NBEA: variants seen among roughly 807,000 people sequenced by gnomAD.
The protein encoded by NBEA is lysosomal-trafficking regulator 2.
NBEA carries 44 observed loss-of-function variants against 343.4 expected under a neutral mutation model. The observed-to-expected ratio is 0.13, with a 90% CI of 0.10 to 0.16. The LOEUF (loss-of-function observed/expected upper bound fraction) is 0.16, where lower values mean the gene tolerates loss of function less well. Ranked by LOEUF, NBEA falls within the 10% of genes least tolerant of loss-of-function variation. The probability of loss-of-function intolerance (pLI) is 1.00; values close to 1 mark genes in which losing one functional copy is unlikely to be tolerated. For missense variants in NBEA, 2,555 were observed against 3,631.3 expected (o/e 0.70, Z 7.62); for synonymous variants, 1,175 against 1,238.7 (o/e 0.95, Z 1.08).
intron 24 of NBEA, among the ~76,000 whole-genome samples, chr13:35,168,256 G>A (rs2070191988): frequency 6.6e-6 from 1 of 151,474 alleles, no homozygotes; most frequent in South Asian, 2.1e-4. Context: ...TCAAAAATTA[G>A]AAAGAATAGT....
At position 35,383,236 on chromosome 13, in the gene NBEA, G is replaced by C. The variant is rs115550784; in HGVS notation, c.6179+30913G>C. 2.0e-3 allele frequency among the ~76,000 whole-genome samples: 298 copies of C among 152,292 alleles called. 1 individual carries two copies. Among genetic ancestry groups the C allele is most frequent in the African/African-American group, 6.9e-3 (285 of 41,562 alleles). ...GGTGACCTCAAACTGAGGGAGGTTA[G>C]ATGACTTGGTAGAATTTTTAAGAGC... On this transcript the variant is annotated intron_variant, in intron 38 of 58. Transcript: ENST00000379939.
chr13:35,182,132 T>C (rs2071359012), intron 28 of NBEA, among the ~76,000 whole-genome samples: 1 of 151,544 alleles, frequency 6.6e-6, no homozygotes, highest in South Asian at 2.1e-4. Flanking sequence ...ATTTTAATAT[T>C]CTAGTTTTTG....
intron 38 of NBEA, among the ~76,000 whole-genome samples, chr13:35,424,192 T>A (rs186599280): frequency 6.6e-6 from 1 of 152,172 alleles, no homozygotes; most frequent in Non-Finnish European, 1.5e-5. Flanking sequence ...CATTGTTGAA[T>A]AGGAGTGGTG....
intron 41 of NBEA, among the ~76,000 whole-genome samples, chr13:35,498,056 C>A (rs2076747616): frequency 6.6e-6 from 1 of 151,898 alleles, no homozygotes; most frequent in Admixed American, 6.6e-5. Flanking sequence ...CACAAAAATT[C>A]TATTCTTTAA....
chr13:35,457,699 C>G (rs1179200817), intron 40 of NBEA, among the ~76,000 whole-genome samples: 1 of 152,180 alleles, frequency 6.6e-6, no homozygotes, highest in Non-Finnish European at 1.5e-5. Flanking sequence ...AGCTCTGCCT[C>G]CCGGGTTCAC....
intron 17 of NBEA, among the ~76,000 whole-genome samples, chr13:35,138,612 A>T (rs1204816128): frequency 6.6e-6 from 1 of 152,004 alleles, no homozygotes; most frequent in East Asian, 1.9e-4. Flanking sequence ...GGCGCCTGTC[A>T]CCATGCCCGG....
chr13:35,555,157 G>A, intron 44 of NBEA, 55 bp downstream of exon 44: 1 of 994,222 alleles, frequency 1.0e-6, no homozygotes, highest in Non-Finnish European at 1.5e-6. Context: ...CAAAATCATG[G>A]TAATGTAGCC....
At position 35,182,488 on chromosome 13, in the gene NBEA, T is replaced by C. The variant is rs779006092; in HGVS notation, c.4791T>C (p.Gly1597=). The change falls in exon 29 of 59, where the codon GGT becomes GGC. Residue 1597 remains glycine (G), a synonymous_variant. Coordinates refer to ENST00000379939, the MANE Select transcript of NBEA (RefSeq NM_001385012.1). The part of the protein sequence containing the change: ...RETTRTGSQP[G]RNIRQEINSP... ...CTACAAGAACTGGAAGCCAACCAGGTAGAAACATCAGGCAAGAAATAAATT... is the reference window on the plus strand; with the variant it reads ...CTACAAGAACTGGAAGCCAACCAGGCAGAAACATCAGGCAAGAAATAAATT... The C allele has an allele frequency of 1.6e-5, 25 of 1,610,182 alleles. No individual in the cohort carries two copies. The highest frequency in any genetic ancestry group is 2.7e-5 in the African/African-American group (2 of 74,720).
At chr13:35,482,935 AT>A (rs1228597636) in intron 41 of NBEA, among the ~76,000 whole-genome samples, 4 of 151,860 alleles carry the variant, frequency 2.6e-5, no homozygotes, top group Admixed American at 2.6e-4. Context: ...TAATGTATAA[AT>A]GTCTGGCTGT....
chr13:35,132,151 C>T (rs893064265), intron 17 of NBEA, among the ~76,000 whole-genome samples: 5 of 152,086 alleles, frequency 3.3e-5, no homozygotes, highest in South Asian at 4.2e-4. Flanking sequence ...GTTCTTAGTA[C>T]TATTATTACT....
At chr13:35,510,755 T>G (rs1026662740) in intron 41 of NBEA, among the ~76,000 whole-genome samples, 1 of 152,216 alleles carries the variant, frequency 6.6e-6, no homozygotes, top group Non-Finnish European at 1.5e-5. Context: ...GTATCTCATT[T>G]AGTCCTTACA....
intron 41 of NBEA, among the ~76,000 whole-genome samples, chr13:35,542,603 AGTT>A (rs2078884553): frequency 6.6e-6 from 1 of 152,130 alleles, no homozygotes; most frequent in Admixed American, 6.5e-5. Context: ...GGTCTATAGC[AGTT>A]GTTCTCTAAC....
rs77923857 is a variant in NBEA at position 35,127,553 on chromosome 13, G to A, written c.2336+3979G>A. ...GGGGACTGAGAAAAGAAGGAAAGTA[G>A]AGCAAGTGCAAAGAGTCAGAATTTC... On this transcript the variant is annotated intron_variant, in intron 17 of 58. Coordinates refer to ENST00000379939, the MANE Select transcript of NBEA (RefSeq NM_001385012.1). Among the ~76,000 whole-genome samples, 29 of 152,266 alleles carry A rather than the reference G, an allele frequency of 1.9e-4. No homozygotes were observed. In the East Asian group the frequency reaches 5.4e-3, roughly 28 times the overall value.
At chr13:35,594,991 A>ACACACACACAC (rs35723951) in intron 47 of NBEA, among the ~76,000 whole-genome samples, 7 of 142,672 alleles carry the variant, frequency 4.9e-5, no homozygotes, top group Non-Finnish European at 6.0e-5. Context: ...ACACACACAC[A>ACACACACACAC]AATTGGCTTT....
intron 21 of NBEA, 60 bp downstream of exon 21, chr13:35,157,330 C>T: frequency 8.0e-7 from 1 of 1,253,394 alleles, no homozygotes; most frequent in East Asian, 2.7e-5. Flanking sequence ...TAAATGGCTA[C>T]AAACATGCAT....
At chr13:35,241,620 A>C (rs2030301623) in intron 34 of NBEA, among the ~76,000 whole-genome samples, 1 of 151,920 alleles carries the variant, frequency 6.6e-6, no homozygotes, top group Non-Finnish European at 1.5e-5. Context: ...TAACATGAGC[A>C]ATATAGTGAC....
intron 30 of NBEA, among the ~76,000 whole-genome samples, chr13:35,193,317 C>T (rs1015914224): frequency 3.8e-4 from 58 of 151,974 alleles, no homozygotes; most frequent in African/African-American, 1.3e-3. Context: ...AAAATTTTGG[C>T]TATTGCCTCA....
At position 35,464,044 on chromosome 13, in the gene NBEA, T is replaced by A. The variant is rs149876810; in HGVS notation, c.6449-8356T>A. On this transcript the variant is annotated intron_variant, in intron 40 of 58. Transcript: ENST00000379939. ...GATAGAGGAAGACAAATGAAAAAAA[T>A]TTAATTTTTTTCCAAAATATGAATT... is the stretch of plus-strand genomic sequence containing the variant. Among the ~76,000 whole-genome samples, 1,003 of 152,084 alleles carry A rather than the reference T, an allele frequency of 6.6e-3. 10 individuals are homozygous for A. Among genetic ancestry groups the A allele is most frequent in the African/African-American group, 0.023 (962 of 41,478 alleles).
intron 38 of NBEA, among the ~76,000 whole-genome samples, chr13:35,398,311 C>A (rs2042839277): frequency 6.6e-6 from 1 of 152,098 alleles, no homozygotes; most frequent in African/African-American, 2.4e-5. Context: ...TAGCTTCTCC[C>A]AAACTCCTGT....
Sources: allele counts gnomAD v4.1 joint callset (sites outside exome capture counted in the v4.1 genomes callset), GRCh38; gene constraint gnomAD v4.1.1; transcripts MANE v1.5; gene names NCBI Gene and HGNC (gene_info 2026-07-23, HGNC 2026-07-21).